Variants in OSBPL6 observed in about 807,000 individuals in gnomAD.
The protein encoded by OSBPL6 is oxysterol binding protein like 6, also known as oxysterol-binding protein-related protein 6.
OSBPL6 carries 49 observed loss-of-function variants against 125.8 expected under a neutral mutation model. The ratio of observed to expected loss-of-function variants is 0.39; its 90% CI spans 0.31 to 0.49. The LOEUF is 0.49. OSBPL6 is among the 20% of genes least tolerant of loss of function. The pLI, the probability that OSBPL6 is intolerant of heterozygous loss-of-function variation, is 0.88. For missense variants in OSBPL6, 986 were observed against 1,135.4 expected, an observed-to-expected ratio of 0.87 and a Z score of 1.89; for synonymous variants, 394 against 391.8, an observed-to-expected ratio of 1.01 and a Z score of -0.07.
intron 10 of OSBPL6, 33 bp from the exon 11 acceptor site, chr2:178,339,639 A>C: frequency 2.6e-6 from 4 of 1,528,536 alleles, no homozygotes; most frequent in Non-Finnish European, 3.6e-6. Flanking sequence ...ACTTAATAAT[A>C]CTTTGTTGCT....
intron 12 of OSBPL6, among the ~76,000 whole-genome samples, chr2:178,352,880 G>A (rs542913166): frequency 1.3e-5 from 2 of 152,248 alleles, no homozygotes; most frequent in Admixed American, 1.3e-4. Context: ...TCTCTGAGAC[G>A]AAGCTTCCAG....
intron 3 of OSBPL6, chr2:178,320,316 A>G: frequency 6.2e-7 from 1 of 1,612,630 alleles, no homozygotes; most frequent in African/African-American, 1.3e-5. Context: ...ACCAAATTAA[A>G]GAGCTACAGT....
chr2:178,386,915 G>T, intron 19 of OSBPL6, 146 bp from the exon 20 acceptor site: 1 of 434,366 alleles, frequency 2.3e-6, no homozygotes, highest in Non-Finnish European at 4.1e-6. Flanking sequence ...TGGGCCATTT[G>T]CAGGCACTTG....
chr2:178,376,049 G>A (rs1309008128), intron 15 of OSBPL6, among the ~76,000 whole-genome samples: 1 of 152,134 alleles, frequency 6.6e-6, no homozygotes, highest in Non-Finnish European at 1.5e-5. Flanking sequence ...CATTCACTGT[G>A]AGGCATCATG....
intron 8 of OSBPL6, among the ~76,000 whole-genome samples, chr2:178,335,286 A>C (rs1192538830): frequency 6.6e-6 from 1 of 152,082 alleles, no homozygotes; most frequent in African/African-American, 2.4e-5. Flanking sequence ...AGAATGGAAG[A>C]CTAAAATCAA....
chr2:178,207,003 A>C (rs995235902), intron 1 of OSBPL6, among the ~76,000 whole-genome samples: 5 of 152,214 alleles, frequency 3.3e-5, no homozygotes, highest in African/African-American at 1.2e-4. Flanking sequence ...TCCTGGACTC[A>C]AGGGATCCTC....
intron 3 of OSBPL6, among the ~76,000 whole-genome samples, chr2:178,307,335 C>A (rs1275344714): frequency 6.6e-6 from 1 of 152,100 alleles, no homozygotes; most frequent in African/African-American, 2.4e-5. Context: ...CACTCTCTCT[C>A]CCTTTTTAGC....
intron 1 of OSBPL6, among the ~76,000 whole-genome samples, chr2:178,274,298 G>A (rs1377542960): frequency 1.3e-5 from 2 of 150,762 alleles, no homozygotes; most frequent in Non-Finnish European, 2.9e-5. Flanking sequence ...GCTTATGTGG[G>A]CGAGGTCAAT....
chr2:178,329,802 G>A (rs1289061539), intron 5 of OSBPL6, among the ~76,000 whole-genome samples: 1 of 152,188 alleles, frequency 6.6e-6, no homozygotes, highest in Non-Finnish European at 1.5e-5. Context: ...ACATCTGCAC[G>A]TGGATTTCAT....
chr2:178,398,178 A>G lies in OSBPL6; in HGVS notation c.*2619A>G, dbSNP rs2154122354. On this transcript the variant is annotated 3_prime_UTR_variant, in exon 25 of 25. Transcript: ENST00000190611. ...CATCTACGTAGTATTTGGGCTGTCA[A>G]GACTAAATAGCAAAAGGGTAGAATA... The G allele has an allele frequency of 6.6e-6, 1 of 152,382 alleles. No homozygotes were observed. The highest frequency in any genetic ancestry group is 2.1e-4 in the South Asian group (1 of 4,832). 9.4% of individuals were successfully genotyped at this position (152,382 alleles called of 1,614,324 possible).
chr2:178,287,371 A>G (rs1226648206), intron 2 of OSBPL6, among the ~76,000 whole-genome samples: 2 of 151,834 alleles, frequency 1.3e-5, no homozygotes, highest in South Asian at 2.1e-4. Context: ...AAGAAGGCCA[A>G]TGGGTGGGAT....
At chr2:178,351,230 G>A (rs1399916007) in intron 12 of OSBPL6, among the ~76,000 whole-genome samples, 2 of 152,054 alleles carry the variant, frequency 1.3e-5, no homozygotes, top group African/African-American at 4.8e-5. Flanking sequence ...CATGGTACTG[G>A]AAGTACTATC....
At chr2:178,194,459 G>A (rs958442295), upstream of OSBPL6, 2 of 151,924 alleles carry the variant, frequency 1.3e-5, no homozygotes, top group Non-Finnish European at 2.9e-5. Context: ...TGGGAGAGGA[G>A]GGGCTGCAGC....
intron 15 of OSBPL6, among the ~76,000 whole-genome samples, chr2:178,380,193 A>G (rs1033147268): frequency 6.6e-6 from 1 of 152,170 alleles, no homozygotes; most frequent in Admixed American, 6.5e-5. Context: ...TCATACCTGT[A>G]ATACCAGCAC....
At chr2:178,349,736 C>CT (rs1468035232) in intron 12 of OSBPL6, among the ~76,000 whole-genome samples, 1 of 152,094 alleles carries the variant, frequency 6.6e-6, no homozygotes, top group Non-Finnish European at 1.5e-5. Context: ...CTGTTTATTT[C>CT]TTTTTTTATT....
intron 19 of OSBPL6, among the ~76,000 whole-genome samples, chr2:178,386,774 C>T (rs1318893231): frequency 6.6e-6 from 1 of 152,082 alleles, no homozygotes; most frequent in Admixed American, 6.6e-5. Context: ...TTCCAGGCTT[C>T]TCCCAGCTCT....
chr2:178,264,182 A>G (rs1157720448), intron 1 of OSBPL6, among the ~76,000 whole-genome samples: 1 of 152,182 alleles, frequency 6.6e-6, no homozygotes, highest in African/African-American at 2.4e-5. Flanking sequence ...CCCATAAAAC[A>G]TGAAAAAAAA....
intron 1 of OSBPL6, among the ~76,000 whole-genome samples, chr2:178,218,633 C>CTT (rs10699137): frequency 0.19 from 25,668 of 137,290 alleles, 3,325 homozygotes; most frequent in African/African-American, 0.36. Flanking sequence ...TTCTTTCTTT[C>CTT]TTTTTTTTTT....
chr2:178,339,460 A>G (rs543085044), intron 10 of OSBPL6, among the ~76,000 whole-genome samples: 1 of 152,160 alleles, frequency 6.6e-6, no homozygotes, highest in East Asian at 1.9e-4. Flanking sequence ...TCCTGTATTC[A>G]TTTTGTTTAT....
Sources: allele counts gnomAD v4.1 joint callset (sites outside exome capture counted in the v4.1 genomes callset), GRCh38; gene constraint gnomAD v4.1.1; transcripts MANE v1.5; gene names NCBI Gene and HGNC (gene_info 2026-07-23, HGNC 2026-07-21).